OR7D4: variants seen among roughly 807,000 people sequenced by gnomAD.
The protein encoded by OR7D4 is olfactory receptor 7D4.
For synonymous variants in OR7D4, 154 were observed against 158.4 expected, an observed-to-expected ratio of 0.97 and a Z score of 0.21; for missense variants, 319 against 377.1, an observed-to-expected ratio of 0.85 and a Z score of 1.27.
At position 9,213,971 on chromosome 19, in the gene OR7D4, G is replaced by C; in HGVS notation, c.867C>G (p.Ile289Met). ...AMVTPMLNPF[I>M]YSLRNKDVKG... is the part of the protein sequence containing the mutation. ...TCACATCCTTGTTCCTCAGGCTGTA[G>C]ATGAAGGGGTTCAGCATGGGGGTGA... Residue 289 changes from isoleucine to methionine, a missense_variant, in exon 2 of 2, where the codon ATC becomes ATG. Transcript: ENST00000641669. 6.2e-7 allele frequency: 1 copy of C among 1,614,198 alleles called. No individual in the cohort carries two copies. Among genetic ancestry groups the C allele is most frequent in the Non-Finnish European group, 8.5e-7 (1 of 1,180,044 alleles).
chr19:9,217,367 G>T (rs1280980788), intron 1 of OR7D4, among the ~76,000 whole-genome samples: 2 of 152,106 alleles, frequency 1.3e-5, no homozygotes, highest in African/African-American at 4.8e-5. Flanking sequence ...AAAAAAATTT[G>T]CATTTTTCAT....
Position 9,212,734 on chromosome 19 carries a change from CAT to C in OR7D4, c.*1163_*1164del, listed in dbSNP as rs1047420469. 6.6e-6 allele frequency: 1 copy of C among 152,016 alleles called. No individual in the cohort carries two copies. Among genetic ancestry groups the C allele is most frequent in the African/African-American group, 2.4e-5 (1 of 41,366 alleles). The allele number at this position is 152,016 out of a possible 1,614,324, so 9.4% of individuals were successfully genotyped here. ...AGTCATAATTTGAAGTTGAAAATCA[CAT>C]TATCATTCTTTGCTTTTGTGTTTGT... On this transcript the variant is annotated 3_prime_UTR_variant, in exon 2 of 2. Coordinates refer to ENST00000641669, the MANE Select transcript of OR7D4 (RefSeq NM_001005191.3).
At chr19:9,218,074 G>C (rs1348111667) in intron 1 of OR7D4, among the ~76,000 whole-genome samples, 2 of 152,118 alleles carry the variant, frequency 1.3e-5, no homozygotes, top group Non-Finnish European at 2.9e-5. Context: ...TTTAGTTTTA[G>C]ACAGTGGTTG....
Position 9,212,618 on chromosome 19 carries a change from A to G in OR7D4, c.*1281T>C, listed in dbSNP as rs2051179778. On this transcript the variant is annotated 3_prime_UTR_variant, in exon 2 of 2. Transcript: ENST00000641669. ...ACGGCTCTGATTTCTGTGGGCTTAT[A>G]GGGCTTGTATTTCAAAGGGATAGCA... is the stretch of plus-strand genomic sequence containing the variant. 1 of 152,196 alleles carries G rather than the reference A, an allele frequency of 6.6e-6. No individual in the cohort carries two copies. The highest frequency in any genetic ancestry group is 6.5e-5 in the Admixed American group (1 of 15,278). The allele number at this position is 152,196 out of a possible 1,614,324, so 9.4% of individuals were successfully genotyped here.
chr19:9,214,337 G>A lies in OR7D4; in HGVS notation c.501C>T (p.Thr167=), dbSNP rs761531195. The stretch of plus-strand genomic sequence containing the variant: ...GCGGAATCTCAGTGCCTGTGGAGAA[G>A]GTCAACCTCTTCATCAGTAGAATAT... The part of the protein sequence containing the change: ...LVHILLMKRL[T]FSTGTEIPHF... The change falls in exon 2 of 2, where the codon ACC becomes ACT. Residue 167 remains threonine (T), a synonymous_variant. Transcript: ENST00000641669. 4 of 1,614,110 alleles carry A rather than the reference G, an allele frequency of 2.5e-6. No individual in the cohort carries two copies. Among genetic ancestry groups the A allele is most frequent in the South Asian group, 2.2e-5 (2 of 91,082 alleles).
rs757274230 is a variant in OR7D4, at chr19:9,212,425, A to G, written c.*1474T>C. 3.3e-5 allele frequency: 5 copies of G among 152,206 alleles called. No homozygotes were observed. Among genetic ancestry groups the G allele is most frequent in the Non-Finnish European group, 4.4e-5 (3 of 68,040 alleles). 9.4% of individuals were successfully genotyped at this position (152,206 alleles called of 1,614,324 possible). ...TTGCAGGATGCAAATTAGGATTAGT[A>G]TGCATTCCAAATCAGTGAAAAATGA... On this transcript the variant is annotated 3_prime_UTR_variant, in exon 2 of 2. Coordinates refer to ENST00000641669, the MANE Select transcript of OR7D4 (RefSeq NM_001005191.3).
At chr19:9,214,934 G>A (rs2051201029) in intron 1 of OR7D4, 84 bp from the exon 2 acceptor site, 1 of 687,794 alleles carries the variant, frequency 1.5e-6, no homozygotes, top group South Asian at 1.8e-5. Flanking sequence ...ATCACCTTTT[G>A]ATGGACATTT....
intron 1 of OR7D4, 136 bp from the exon 2 acceptor site, chr19:9,214,986 AGGAAGT>A: frequency 1.7e-6 from 1 of 595,444 alleles, no homozygotes; most frequent in Non-Finnish European, 3.0e-6. Flanking sequence ...TGAATCTCTC[AGGAAGT>A]GGTATCTATT....
rs998604968 is a variant in OR7D4 at position 9,211,435 on chromosome 19, C to T, written c.*2464G>A. ...TCAATCAGACAGAAAGAATTAGGGT[C>T]TTATCCAACTTAGCAAAAACATAAA... On this transcript the variant is annotated 3_prime_UTR_variant, in exon 2 of 2. Coordinates refer to ENST00000641669, the MANE Select transcript of OR7D4 (RefSeq NM_001005191.3). The T allele has an allele frequency of 3.9e-5, 6 of 152,230 alleles. No individual in the cohort carries two copies. The highest frequency in any genetic ancestry group is 1.4e-4 in the African/African-American group (6 of 41,464). 9.4% of individuals were successfully genotyped at this position (152,230 alleles called of 1,614,324 possible).
rs935487788 is a variant in OR7D4, at chr19:9,213,210, T to A, written c.*689A>T. The stretch of plus-strand genomic sequence containing the variant: ...TATACTAAGGTGAGGAACATCAACA[T>A]TCAACAGGATAATTTTTGAGGAAAC... On this transcript the variant is annotated 3_prime_UTR_variant, in exon 2 of 2. Coordinates refer to ENST00000641669, the MANE Select transcript of OR7D4 (RefSeq NM_001005191.3). 1 of 152,156 alleles carries A rather than the reference T, an allele frequency of 6.6e-6. No homozygotes were observed. Among genetic ancestry groups the A allele is most frequent in the Non-Finnish European group, 1.5e-5 (1 of 68,062 alleles). The allele number at this position is 152,156 out of a possible 1,614,324, so 9.4% of individuals were successfully genotyped here. A position where few individuals can be genotyped will look rare whatever the true frequency, so the allele number is the denominator to read the frequency against.
chr19:9,219,516 C>T lies in OR7D4; in HGVS notation c.-330G>A, dbSNP rs10412966. Reference sequence around the variant, plus strand: ...CCTCTTTTCCTTCTTACCCCACCAGCCCTCACTGGGTCACACTAACTCTGA... The same window carrying T: ...CCTCTTTTCCTTCTTACCCCACCAGTCCTCACTGGGTCACACTAACTCTGA... On this transcript the variant is annotated 5_prime_UTR_variant, in exon 1 of 2. Coordinates refer to ENST00000641669, the MANE Select transcript of OR7D4 (RefSeq NM_001005191.3). The T allele has an allele frequency of 0.22, 33,861 of 152,140 alleles. 4,864 individuals carry two copies. Among genetic ancestry groups the T allele is most frequent in the African/African-American group, 0.41 (16,909 of 41,452 alleles). 9.4% of individuals were successfully genotyped at this position (152,140 alleles called of 1,614,324 possible).
At chr19:9,217,570 G>A (rs923074101) in intron 1 of OR7D4, among the ~76,000 whole-genome samples, 4 of 152,150 alleles carry the variant, frequency 2.6e-5, no homozygotes, top group South Asian at 2.1e-4. Flanking sequence ...ATGGAATCTC[G>A]ATCTGTTGCC....
intron 1 of OR7D4, among the ~76,000 whole-genome samples, 187 bp downstream of exon 1, chr19:9,219,013 A>G (rs2051237499): frequency 6.6e-6 from 1 of 152,296 alleles, no homozygotes; most frequent in African/African-American, 2.4e-5. Context: ...ATATGATATC[A>G]TGGATACTAA....
At chr19:9,218,835 T>A (rs193169506) in intron 1 of OR7D4, among the ~76,000 whole-genome samples, 7 of 152,240 alleles carry the variant, frequency 4.6e-5, no homozygotes, top group Non-Finnish European at 1.0e-4. Context: ...GGTTTTGCCA[T>A]GTTAGCCAGG....
Position 9,214,861 on chromosome 19 carries a change from A to T in OR7D4, c.-13-11T>A, listed in dbSNP as rs1453401297. 1 of 1,465,830 alleles carries T rather than the reference A, an allele frequency of 6.8e-7. No homozygotes were observed. The highest frequency in any genetic ancestry group is 1.9e-5 in the Admixed American group (1 of 51,336). 90.8% of individuals were successfully genotyped at this position (1,465,830 alleles called of 1,614,324 possible). A position where few individuals can be genotyped will look rare whatever the true frequency, so the allele number is the denominator to read the frequency against. On this transcript the variant is annotated splice_polypyrimidine_tract_variant and intron_variant, in intron 1 of 1. Transcript: ENST00000641669. ...ATGTAGCTGTTGTGTCTGCTGGGGA[A>T]GGAGGAAAAAGCAACGTTTAATGAA...
rs2051238871 is a variant in OR7D4 at position 9,219,281 on chromosome 19, A to G, written c.-95T>C. 2 of 152,228 alleles carry G rather than the reference A, an allele frequency of 1.3e-5. No individual in the cohort carries two copies. The highest frequency in any genetic ancestry group is 2.4e-5 in the African/African-American group (1 of 41,462). The allele number at this position is 152,228 out of a possible 1,614,324, so 9.4% of individuals were successfully genotyped here. ...AATTCAACAGGAGACTAAAGTTTAT[A>G]GGAAAGAGTGCAGGAGAGTTAGAGA... On this transcript the variant is annotated 5_prime_UTR_variant, in exon 1 of 2. Transcript: ENST00000641669.
intron 1 of OR7D4, among the ~76,000 whole-genome samples, chr19:9,215,394 TA>T (rs1248917515): frequency 6.6e-6 from 1 of 151,582 alleles, no homozygotes; most frequent in Admixed American, 6.6e-5. Flanking sequence ...TCACCAGTTT[TA>T]ATTCCCCCAT....
chr19:9,214,464 G>A lies in OR7D4; in HGVS notation c.374C>T (p.Ala125Val). The change falls in exon 2 of 2, where the codon GCC becomes GTC. Residue 125 changes from alanine (A) to valine (V), a missense_variant. Physicochemically the swap from Ala to Val is moderately conservative, Grantham distance 64. Coordinates refer to ENST00000641669, the MANE Select transcript of OR7D4 (RefSeq NM_001005191.3). ...CGTGTAGTGCAGTGGGTGGCAGATG[G>A]CCACAAACCGGTCATAGGCCATCAC... ...LAVMAYDRFV[A>V]ICHPLHYTVI... is the part of the protein sequence containing the mutation. 6.2e-7 allele frequency: 1 copy of A among 1,614,078 alleles called. No individual in the cohort carries two copies. The highest frequency in any genetic ancestry group is 8.5e-7 in the Non-Finnish European group (1 of 1,179,970).
chr19:9,214,941 A>C, intron 1 of OR7D4, 91 bp from the exon 2 acceptor site: 1 of 658,902 alleles, frequency 1.5e-6, no homozygotes, highest in Non-Finnish European at 2.6e-6. Context: ...TTTGATGGAC[A>C]TTTGTCACCC....
Sources: gnomAD v4.1 joint callset for allele counts (sites outside exome capture counted in the v4.1 genomes callset) on GRCh38, gnomAD v4.1.1 for gene constraint, MANE v1.5 for transcripts, NCBI Gene and HGNC (gene_info 2026-07-23, HGNC 2026-07-21) for gene names.